The following DMRT1 variants were observed in gnomAD, a reference collection of about 807,000 sequenced individuals.
The protein encoded by DMRT1 is doublesex and mab-3 related transcription factor 1, also known as doublesex- and mab-3-related transcription factor 1.
In DMRT1, 7 loss-of-function variants were observed where a neutral mutation model predicts 32.3. The observed-to-expected ratio is 0.22, with a 90% CI of 0.12 to 0.41. The LOEUF (loss-of-function observed/expected upper bound fraction) is 0.41. DMRT1 is among the 10% of genes least tolerant of loss of function. The probability of loss-of-function intolerance (pLI) is 1.00; values close to 1 mark genes in which losing one functional copy is unlikely to be tolerated. For missense variants in DMRT1, 625 were observed against 500.5 expected (o/e 1.25, Z -2.37); for synonymous variants, 278 against 206.1 (o/e 1.35, Z -2.99).
chr9:852,050 G>C (rs144105188), intron 2 of DMRT1, among the ~76,000 whole-genome samples: 2,355 of 151,400 alleles, frequency 0.016, 63 homozygotes, highest in African/African-American at 0.055. Flanking sequence ...AGAGATTCTG[G>C]TGCCTGAGCC....
intron 2 of DMRT1, among the ~76,000 whole-genome samples, chr9:891,042 T>C (rs1416093629): frequency 6.6e-6 from 1 of 152,008 alleles, no homozygotes; most frequent in African/African-American, 2.4e-5. Flanking sequence ...TAAACCTTTT[T>C]AGAAAAGTGA....
At chr9:876,184 T>TA (rs1816493357) in intron 2 of DMRT1, among the ~76,000 whole-genome samples, 1 of 152,100 alleles carries the variant, frequency 6.6e-6, no homozygotes, top group Admixed American at 6.5e-5. Flanking sequence ...CAGCACAACA[T>TA]AGTTAGGTTA....
chr9:940,319 T>A (rs2050033363), intron 4 of DMRT1, among the ~76,000 whole-genome samples: 1 of 152,104 alleles, frequency 6.6e-6, no homozygotes, highest in South Asian at 2.1e-4. Context: ...CAAGTGCCCA[T>A]CAACAGAAGA....
intron 4 of DMRT1, among the ~76,000 whole-genome samples, chr9:927,474 G>A (rs1260927149): frequency 6.6e-6 from 1 of 152,196 alleles, no homozygotes; most frequent in African/African-American, 2.4e-5. Context: ...ATCATTGCCC[G>A]GCGCGGTGGC....
chr9:918,868 A>T (rs993452608), intron 4 of DMRT1, among the ~76,000 whole-genome samples: 1 of 152,224 alleles, frequency 6.6e-6, no homozygotes, highest in Non-Finnish European at 1.5e-5. Flanking sequence ...TTTATATTGC[A>T]TGAATTTTTA....
At chr9:884,442 G>A (rs1816847780) in intron 2 of DMRT1, among the ~76,000 whole-genome samples, 1 of 152,064 alleles carries the variant, frequency 6.6e-6, no homozygotes, top group South Asian at 2.1e-4. Context: ...GTAAACGGGT[G>A]TAGCCATGAA....
At chr9:940,597 T>C (rs1051906752) in intron 4 of DMRT1, among the ~76,000 whole-genome samples, 1 of 152,240 alleles carries the variant, frequency 6.6e-6, no homozygotes, top group African/African-American at 2.4e-5. Context: ...TATGAAAGTC[T>C]TAGAAGAAAA....
intron 4 of DMRT1, among the ~76,000 whole-genome samples, chr9:941,750 A>G (rs1819081314): frequency 6.6e-6 from 1 of 152,178 alleles, no homozygotes; most frequent in South Asian, 2.1e-4. Context: ...AAAAGTATGG[A>G]CATTTTATTT....
chr9:917,012 A>G, intron 4 of DMRT1, 105 bp downstream of exon 4: 6 of 1,281,566 alleles, frequency 4.7e-6, no homozygotes, highest in Non-Finnish European at 6.8e-6. Flanking sequence ...TAATTGTTGG[A>G]AATTTTATTG....
At chr9:884,055 G>C (rs939657903) in intron 2 of DMRT1, among the ~76,000 whole-genome samples, 2 of 152,068 alleles carry the variant, frequency 1.3e-5, no homozygotes, top group African/African-American at 2.4e-5. Flanking sequence ...GTTTGTAAAT[G>C]GTAAATTTGG....
intron 2 of DMRT1, among the ~76,000 whole-genome samples, chr9:884,874 G>A (rs940663081): frequency 6.6e-6 from 1 of 152,168 alleles, no homozygotes; most frequent in Non-Finnish European, 1.5e-5. Context: ...GGAGGCTGAG[G>A]CAGGAGAATC....
intron 4 of DMRT1, among the ~76,000 whole-genome samples, chr9:921,160 C>T (rs1007627899): frequency 5.9e-5 from 9 of 152,126 alleles, no homozygotes; most frequent in Admixed American, 5.9e-4. Flanking sequence ...AACCCCCCAT[C>T]CTCCCTCCTC....
intron 2 of DMRT1, among the ~76,000 whole-genome samples, chr9:861,296 C>G (rs546525132): frequency 6.6e-6 from 1 of 152,048 alleles, no homozygotes; most frequent in African/African-American, 2.4e-5. Flanking sequence ...CTTCAAGTAT[C>G]TGTTTAACAA....
intron 2 of DMRT1, among the ~76,000 whole-genome samples, chr9:870,514 G>A (rs1325908498): frequency 6.6e-6 from 1 of 152,050 alleles, no homozygotes; most frequent in East Asian, 1.9e-4. Flanking sequence ...TTTTCACTAA[G>A]CTTAGCTCTT....
intron 3 of DMRT1, among the ~76,000 whole-genome samples, chr9:911,563 G>C (rs1249058211): frequency 7.9e-6 from 1 of 125,910 alleles, no homozygotes; most frequent in Non-Finnish European, 1.6e-5. Context: ...TGCAATTTCA[G>C]CTCACTGCAA....
Position 842,019 on chromosome 9 carries a change from T to A in DMRT1, c.181T>A (p.Ser61Thr). 6.4e-7 allele frequency: 1 copy of A among 1,550,688 alleles called. No homozygotes were observed. Among genetic ancestry groups the A allele is most frequent in the Middle Eastern group, 2.0e-4 (1 of 5,096 alleles). The change falls in exon 1 of 5, where the codon TCG becomes ACG. Residue 61 changes from serine to threonine, a missense_variant. Coordinates refer to ENST00000382276, the MANE Select transcript of DMRT1 (RefSeq NM_021951.3). ...SRGGGSGSGA[S>T]DLGAGSKKSP... ...AGGAGGCGGCTCCGGCTCCGGGGCG[T>A]CGGACCTGGGTGCCGGGAGCAAGAA...
chr9:900,215 A>T (rs192332328), intron 3 of DMRT1, among the ~76,000 whole-genome samples: 2 of 151,790 alleles, frequency 1.3e-5, no homozygotes, highest in Non-Finnish European at 2.9e-5. Context: ...GAAGCACAGA[A>T]AAAAGTGCCC....
chr9:872,922 C>T (rs1054925839), intron 2 of DMRT1, among the ~76,000 whole-genome samples: 1 of 152,166 alleles, frequency 6.6e-6, no homozygotes, highest in African/African-American at 2.4e-5. Flanking sequence ...ATTTGTTCAT[C>T]TGGGCCAGCT....
intron 4 of DMRT1, among the ~76,000 whole-genome samples, chr9:953,503 C>G (rs1013705995): frequency 1.3e-5 from 2 of 152,160 alleles, no homozygotes; most frequent in Admixed American, 6.5e-5. Context: ...GCCTCTGCCC[C>G]CCCGACCTTT....
Sources: gnomAD v4.1 joint callset for allele counts (sites outside exome capture counted in the v4.1 genomes callset) on GRCh38, gnomAD v4.1.1 for gene constraint, MANE v1.5 for transcripts, NCBI Gene and HGNC (gene_info 2026-07-23, HGNC 2026-07-21) for gene names.